PTGDR: variants seen among roughly 807,000 people sequenced by gnomAD.
PTGDR encodes prostaglandin D2 receptor.
In PTGDR, 19 loss-of-function variants were observed where a neutral mutation model predicts 17.4. That is an observed-to-expected ratio of 1.09 (90% confidence interval 0.76 to 1.60). The LOEUF (loss-of-function observed/expected upper bound fraction) is 1.60, where lower values mean the gene tolerates loss of function less well. Among genes scored for constraint, PTGDR ranks in the 40% most tolerant of loss-of-function variants. PTGDR has a pLI of 0.00. For synonymous variants in PTGDR, 267 were observed against 224.2 expected (o/e 1.19, Z -1.71); for missense variants, 526 against 481.9 (o/e 1.09, Z -0.86).
rs201206441 is a variant in PTGDR, at chr14:52,274,841, C to A, written c.957C>A (p.Asp319Glu). 1.9e-6 allele frequency: 3 copies of A among 1,610,990 alleles called. No individual in the cohort carries two copies. Among genetic ancestry groups the A allele is most frequent in the Non-Finnish European group, 1.7e-6 (2 of 1,177,152 alleles). Residue 319 changes from aspartate (D) to glutamate (E), a missense_variant, in exon 2 of 2, where the codon GAC becomes GAA. Asp to Glu is a conservative substitution (Grantham distance 45). Coordinates refer to ENST00000306051, the MANE Select transcript of PTGDR (RefSeq NM_000953.3). ...LRFLSVISIV[D>E]PWIFIIFRSP... ...TTCTATCTGTGATTTCAATTGTGGACCCTTGGATTTTTATCATTTTCAGAT... is the reference window on the plus strand; with the variant it reads ...TTCTATCTGTGATTTCAATTGTGGAACCTTGGATTTTTATCATTTTCAGAT...
intron 1 of PTGDR, among the ~76,000 whole-genome samples, chr14:52,270,173 A>T (rs1004798603): frequency 6.6e-6 from 1 of 152,224 alleles, no homozygotes; most frequent in Non-Finnish European, 1.5e-5. Flanking sequence ...TTGAGCTTCA[A>T]TTGAGCCAAA....
chr14:52,270,947 A>T (rs1334175197), intron 1 of PTGDR, among the ~76,000 whole-genome samples: 1 of 152,246 alleles, frequency 6.6e-6, no homozygotes, highest in Non-Finnish European at 1.5e-5. Flanking sequence ...TTCCAAAAAA[A>T]CTAGCAAGTT....
At chr14:52,274,590 C>A in intron 1 of PTGDR, 141 bp from the exon 2 acceptor site, 1 of 701,832 alleles carries the variant, frequency 1.4e-6, no homozygotes, top group East Asian at 2.7e-5. Context: ...GCTGCTGTGG[C>A]CTTAGCTACT....
chr14:52,276,912 T>A (rs890491463), downstream of PTGDR, among the ~76,000 whole-genome samples: 2 of 152,194 alleles, frequency 1.3e-5, no homozygotes, highest in South Asian at 4.1e-4. Flanking sequence ...TTACTTTACA[T>A]TACTTTAAAC....
chr14:52,277,035 C>T (rs546623579), downstream of PTGDR, among the ~76,000 whole-genome samples: 2 of 152,056 alleles, frequency 1.3e-5, no homozygotes, highest in Non-Finnish European at 2.9e-5. Flanking sequence ...ACCAACTCTT[C>T]GGTAATCTGT....
chr14:52,267,701 G>A lies in PTGDR; in HGVS notation c.-114G>A. 1.4e-6 allele frequency: 2 copies of A among 1,424,122 alleles called. No individual in the cohort carries two copies. Among genetic ancestry groups the A allele is most frequent in the South Asian group, 1.6e-5 (1 of 64,048 alleles). The allele number at this position is 1,424,122 out of a possible 1,614,324, so 88.2% of individuals were successfully genotyped here. ...CGCCGCCCTCGGAGCTTTTTCTGTG[G>A]CGCAGCTTCTCCGCCCGAGCCGCGC... is the stretch of plus-strand genomic sequence containing the variant. On this transcript the variant is annotated 5_prime_UTR_variant, in exon 1 of 2. Coordinates refer to ENST00000306051, the MANE Select transcript of PTGDR (RefSeq NM_000953.3).
intron 1 of PTGDR, 100 bp downstream of exon 1, chr14:52,268,760 CG>C (rs1348434998): frequency 7.8e-7 from 1 of 1,288,324 alleles, no homozygotes; most frequent in African/African-American, 1.5e-5. Flanking sequence ...CGGCGCCAGG[CG>C]AGCTGCGCCC....
At chr14:52,269,542 G>A (rs1037840344) in intron 1 of PTGDR, 1 of 1,529,128 alleles carries the variant, frequency 6.5e-7, no homozygotes, top group South Asian at 1.2e-5. Context: ...TTCTCCCAAG[G>A]TACCTGTTCA....
chr14:52,268,242 A>G lies in PTGDR; in HGVS notation c.428A>G (p.His143Arg). 6.2e-7 allele frequency: 1 copy of G among 1,613,996 alleles called. No homozygotes were observed. Among genetic ancestry groups the G allele is most frequent in the Non-Finnish European group, 8.5e-7 (1 of 1,180,042 alleles). The change falls in exon 1 of 2, where the codon CAC becomes CGC. Residue 143 changes from histidine (H) to arginine (R), a missense_variant. By Grantham distance (29) the His-to-Arg change is conservative. Coordinates refer to ENST00000306051, the MANE Select transcript of PTGDR (RefSeq NM_000953.3). ...SLGHPFFYRR[H>R]ITLRLGALVA... ...GGGCACCCTTTCTTCTACCGACGGC[A>G]CATCACCCTGCGCCTGGGCGCACTG...
downstream of PTGDR, among the ~76,000 whole-genome samples, chr14:52,277,336 G>A (rs567621250): frequency 2.6e-5 from 4 of 152,308 alleles, no homozygotes; most frequent in East Asian, 1.9e-4. Flanking sequence ...TATTGAAAAC[G>A]AGTAGGAATT....
intron 1 of PTGDR, chr14:52,269,432 T>G: frequency 6.7e-7 from 1 of 1,489,726 alleles, no homozygotes; most frequent in Non-Finnish European, 9.0e-7. Context: ...GGAAATGAAA[T>G]TATCTCCTCA....
At position 52,274,869 on chromosome 14, in the gene PTGDR, C is replaced by T. The variant is rs200623766; in HGVS notation, c.985C>T (p.Pro329Ser). ...DPWIFIIFRS[P>S]VFRIFFHKIF... ...TTGGATTTTTATCATTTTCAGATCT[C>T]CAGTATTTCGGATATTTTTTCACAA... The change falls in exon 2 of 2, where the codon CCA becomes TCA. Residue 329 changes from proline (P) to serine (S), a missense_variant. Transcript: ENST00000306051. 2 of 1,609,276 alleles carry T rather than the reference C, an allele frequency of 1.2e-6. No individual in the cohort carries two copies. The highest frequency in any genetic ancestry group is 1.7e-6 in the Non-Finnish European group (2 of 1,175,662).
In PTGDR at chr14:52,275,059, C is replaced by T. The variant is rs192493958; in HGVS notation, c.*95C>T. On this transcript the variant is annotated 3_prime_UTR_variant, in exon 2 of 2. Transcript: ENST00000306051. ...AAAAAAGACAACTTACAATTTAAAT[C>T]CTTAAAAGTTACCTCCCATAACAAA... 1.3e-3 allele frequency: 1,300 copies of T among 1,027,928 alleles called. 27 individuals are homozygous for T. The Admixed American group carries it at 0.033, about 26-fold the overall frequency. The allele number at this position is 1,027,928 out of a possible 1,614,324, so 63.7% of individuals were successfully genotyped here.
At position 52,269,569 on chromosome 14, in the gene PTGDR, C is replaced by T; in HGVS notation, c.846+909C>T. 9.5e-6 allele frequency: 14 copies of T among 1,475,368 alleles called. No homozygotes were observed. In the South Asian group the frequency reaches 1.7e-4, roughly 18 times the overall value. The allele number at this position is 1,475,368 out of a possible 1,614,324, so 91.4% of individuals were successfully genotyped here. On this transcript the variant is annotated intron_variant, in intron 1 of 1. Coordinates refer to ENST00000306051, the MANE Select transcript of PTGDR (RefSeq NM_000953.3). ...ACCTGTTCAACAAAAACAATACTTA[C>T]AGAAATTCCATTGCCAATCCCACGT...
Position 52,268,638 on chromosome 14 carries a change from C to G in PTGDR, c.824C>G (p.Thr275Ser), listed in dbSNP as rs1365414424. ...CTGGCGCTGATGACCGTGCTCTTCA[C>G]TATGTGTTCTCTGCCCGTAATTGTG... ...LLLALMTVLFTMCSLPVIYRA... is the reference protein window; with the variant it reads ...LLLALMTVLFSMCSLPVIYRA... The change falls in exon 1 of 2, where the codon ACT (threonine) becomes AGT (serine). Residue 275 changes from threonine (T) to serine (S), a missense_variant. Coordinates refer to ENST00000306051, the MANE Select transcript of PTGDR (RefSeq NM_000953.3). The G allele has an allele frequency of 3.8e-6, 6 of 1,586,768 alleles. No homozygotes were observed. In the Admixed American group the frequency reaches 1.0e-4, roughly 28 times the overall value.
chr14:52,268,543 T>TGCCGA lies in PTGDR; in HGVS notation c.734_738dup (p.Arg247SerfsTer25). 1 of 1,612,310 alleles carries TGCCGA rather than the reference T, an allele frequency of 6.2e-7. No individual in the cohort carries two copies. The highest frequency in any genetic ancestry group is 8.5e-7 in the Non-Finnish European group (1 of 1,179,486). ...ACCCGCGCTCCTGCACCAGGGACTG[T>TGCCGA]GCCGAGCCGCGCGCGGACGGGAGGG... On this transcript the variant is annotated frameshift_variant, in exon 1 of 2. Coordinates refer to ENST00000306051, the MANE Select transcript of PTGDR (RefSeq NM_000953.3). LOFTEE classifies it high-confidence loss of function.
chr14:52,271,304 C>A (rs998981870), intron 1 of PTGDR, among the ~76,000 whole-genome samples: 2 of 152,108 alleles, frequency 1.3e-5, no homozygotes, highest in Admixed American at 6.5e-5. Context: ...GAACGATTAT[C>A]GTCCCAGGAG....
intron 1 of PTGDR, 135 bp from the exon 2 acceptor site, chr14:52,274,596 C>A (rs2033383853): frequency 6.8e-6 from 5 of 732,506 alleles, no homozygotes; most frequent in Non-Finnish European, 1.1e-5. Context: ...GTGGCCTTAG[C>A]TACTTGTAAA....
chr14:52,270,410 G>A (rs2033303150), intron 1 of PTGDR, among the ~76,000 whole-genome samples: 1 of 152,038 alleles, frequency 6.6e-6, no homozygotes, highest in Non-Finnish European at 1.5e-5. Flanking sequence ...GGGCGTGGTG[G>A]CATGCACTTG....
Sources: allele counts gnomAD v4.1 joint callset (sites outside exome capture counted in the v4.1 genomes callset), GRCh38; gene constraint gnomAD v4.1.1; transcripts MANE v1.5; gene names NCBI Gene and HGNC (gene_info 2026-07-23, HGNC 2026-07-21).